ACCSL: variants seen among roughly 807,000 people sequenced by gnomAD.
The protein encoded by ACCSL is 1-aminocyclopropane-1-carboxylate synthase homolog (inactive) like.
Under a neutral mutation model 61.7 loss-of-function variants are expected in ACCSL, and 55 were observed. That is an observed-to-expected ratio of 0.89 (90% CI 0.72 to 1.12). The LOEUF (loss-of-function observed/expected upper bound fraction) is 1.12. Ranked by LOEUF, ACCSL falls within the 50% of genes most tolerant of loss-of-function variation. The probability of loss-of-function intolerance (pLI) is 0.00; values close to 1 mark genes in which losing one functional copy is unlikely to be tolerated. For missense variants in ACCSL, 632 were observed against 698.0 expected (o/e 0.91, Z 1.07); for synonymous variants, 258 against 264.3 (o/e 0.98, Z 0.23).
the ACCSL span, among the ~76,000 whole-genome samples, chr11:44,030,096 G>A: frequency 3.6e-5 from 2 of 55,778 alleles, no homozygotes; most frequent in African/African-American, 1.3e-4. Flanking sequence ...GTATAAAGGG[G>A]CTCCCCCTGG....
At chr11:44,059,234 T>A (rs1312860745) in intron 13 of ACCSL, among the ~76,000 whole-genome samples, 1 of 152,154 alleles carries the variant, frequency 6.6e-6, no homozygotes, top group Non-Finnish European at 1.5e-5. Context: ...AGAGTGAGAC[T>A]GTTTCAAGAA....
chr11:43,995,873 G>A, the ACCSL span, among the ~76,000 whole-genome samples: 1 of 152,212 alleles, frequency 6.6e-6, no homozygotes, highest in African/African-American at 2.4e-5. Context: ...GAAAGATATG[G>A]AAGTCCTCCC....
At chr11:44,049,993 A>G (rs1214203687) in intron 1 of ACCSL, 69 bp from the exon 2 acceptor site, 2 of 1,596,246 alleles carry the variant, frequency 1.3e-6, no homozygotes, top group South Asian at 2.2e-5. Flanking sequence ...ATTTGAACTA[A>G]TGTTTCAAGG....
At chr11:43,942,911 G>C in the ACCSL span, 1 of 1,399,202 alleles carries the variant, frequency 7.1e-7, no homozygotes, top group Non-Finnish European at 9.3e-7. Context: ...CGCCATGGCC[G>C]CCAAGCCCGG....
At chr11:43,947,084 ATCT>A in the ACCSL span, 10 of 152,290 alleles carry the variant, frequency 6.6e-5, no homozygotes, top group African/African-American at 1.7e-4. Flanking sequence ...TGGCACCAAC[ATCT>A]TCTTCTGGTG....
the ACCSL span, among the ~76,000 whole-genome samples, chr11:43,992,653 T>TA: frequency 0.25 from 38,659 of 152,162 alleles, 5,854 homozygotes; most frequent in South Asian, 0.34. Context: ...TGATCAATGT[T>TA]AGAGATTCAT....
At chr11:43,943,290 G>A in the ACCSL span, 2 of 1,473,238 alleles carry the variant, frequency 1.4e-6, no homozygotes, top group Non-Finnish European at 1.8e-6. The surrounding 1 kb of genome is among the most constrained non-coding windows in gnomAD (Gnocchi z 4.8). Context: ...CCGCCCGCGG[G>A]GGGGACGCGC....
chr11:43,989,777 T>C, the ACCSL span, among the ~76,000 whole-genome samples: 1 of 152,222 alleles, frequency 6.6e-6, no homozygotes. Context: ...TGTTGGTGGC[T>C]GCCAGCATCT....
chr11:44,005,472 C>T, the ACCSL span, among the ~76,000 whole-genome samples: 4 of 152,130 alleles, frequency 2.6e-5, no homozygotes, highest in South Asian at 4.2e-4. Flanking sequence ...TTTTGCTCCT[C>T]GACTCAGGGG....
the ACCSL span, among the ~76,000 whole-genome samples, chr11:43,964,979 C>T: frequency 0.057 from 8,625 of 152,254 alleles, 316 homozygotes; most frequent in South Asian, 0.1. Flanking sequence ...ATACCCGTAG[C>T]TAACATCAAA....
the ACCSL span, among the ~76,000 whole-genome samples, chr11:43,985,399 G>C: frequency 6.6e-6 from 1 of 152,202 alleles, no homozygotes; most frequent in Non-Finnish European, 1.5e-5. Flanking sequence ...ATGGGCTGAC[G>C]TTCCCAGAAA....
chr11:43,945,368 C>T, the ACCSL span: 1 of 152,230 alleles, frequency 6.6e-6, no homozygotes, highest in African/African-American at 2.4e-5. Flanking sequence ...CAAAGAAACT[C>T]CCTGAGGACA....
chr11:44,036,064 C>T, the ACCSL span, among the ~76,000 whole-genome samples: 34,996 of 152,030 alleles, frequency 0.23, 4,298 homozygotes, highest in East Asian at 0.39. Flanking sequence ...ACAGTCCCTG[C>T]AATGTAAGTG....
the ACCSL span, among the ~76,000 whole-genome samples, chr11:44,012,211 C>T: frequency 6.6e-6 from 1 of 152,060 alleles, no homozygotes; most frequent in Non-Finnish European, 1.5e-5. Context: ...CTCAGTCTTC[C>T]AGAAAGACCT....
chr11:43,959,699 C>G, the ACCSL span, among the ~76,000 whole-genome samples: 2 of 152,176 alleles, frequency 1.3e-5, no homozygotes, highest in African/African-American at 4.8e-5. Flanking sequence ...GCTTTAAGTC[C>G]TGGTAAACCT....
At chr11:44,021,396 T>C in the ACCSL span, among the ~76,000 whole-genome samples, 2 of 152,238 alleles carry the variant, frequency 1.3e-5, no homozygotes, top group Admixed American at 1.3e-4. Flanking sequence ...TTCATGTTTG[T>C]TGGCCATTTG....
the ACCSL span, among the ~76,000 whole-genome samples, chr11:44,000,631 TAA>T: frequency 9.4e-5 from 12 of 127,490 alleles, no homozygotes; most frequent in African/African-American, 1.2e-4. Context: ...CTGTCTCTAT[TAA>T]AAAAAAAAAA....
chr11:43,966,864 G>T, the ACCSL span, among the ~76,000 whole-genome samples: 1 of 151,988 alleles, frequency 6.6e-6, no homozygotes, highest in African/African-American at 2.4e-5. Flanking sequence ...CACATCTTTG[G>T]TTTCAAGAAA....
intron 3 of ACCSL, 52 bp from the exon 4 acceptor site, chr11:44,051,283 G>C: frequency 6.3e-7 from 1 of 1,582,748 alleles, no homozygotes; most frequent in Non-Finnish European, 8.7e-7. Flanking sequence ...TCTAGACCAT[G>C]AGTGAGGAAA....
Sources: gnomAD v4.1 joint callset for allele counts (sites outside exome capture counted in the v4.1 genomes callset) on GRCh38, gnomAD v4.1.1 for gene constraint, Gnocchi (gnomAD v3.1) non-coding constraint, MANE v1.5 for transcripts, NCBI Gene and HGNC (gene_info 2026-07-23, HGNC 2026-07-21) for gene names.